ATRNL1: variants seen among roughly 807,000 people sequenced by gnomAD.
ATRNL1 encodes the protein attractin-like protein 1.
A neutral mutation model predicts 182.7 loss-of-function variants in ATRNL1; 95 were observed. The ratio of observed to expected loss-of-function variants is 0.52; its 90% CI spans 0.44 to 0.62. The LOEUF (loss-of-function observed/expected upper bound fraction) is 0.62. Among genes scored for constraint, ATRNL1 ranks in the 20% least tolerant of loss-of-function variants. The probability of loss-of-function intolerance (pLI) is 0.00; values close to 1 mark genes in which losing one functional copy is unlikely to be tolerated. For missense variants in ATRNL1, 1,471 were observed against 1,679.5 expected (o/e 0.88, Z 2.17); for synonymous variants, 576 against 568.3 (o/e 1.01, Z -0.19).
intron 5 of ATRNL1, among the ~76,000 whole-genome samples, chr10:115,154,631 C>T (rs1846415293): frequency 1.3e-5 from 2 of 152,024 alleles, no homozygotes; most frequent in African/African-American, 4.8e-5. Context: ...TCCTGGAGAA[C>T]ATTTTATGTG....
chr10:115,425,260 A>T (rs1845831693), intron 20 of ATRNL1, among the ~76,000 whole-genome samples: 1 of 151,564 alleles, frequency 6.6e-6, no homozygotes, highest in Non-Finnish European at 1.5e-5. Context: ...GACATTTTAG[A>T]CTCTTTTACC....
chr10:115,229,783 C>T (rs1298177107), intron 9 of ATRNL1, among the ~76,000 whole-genome samples: 1 of 152,048 alleles, frequency 6.6e-6, no homozygotes, highest in Non-Finnish European at 1.5e-5. Context: ...CTTTGCTTTT[C>T]ACAGTGATTA....
At chr10:115,458,910 C>A (rs1554969222) in intron 21 of ATRNL1, among the ~76,000 whole-genome samples, 1 of 152,122 alleles carries the variant, frequency 6.6e-6, no homozygotes, top group East Asian at 1.9e-4. Context: ...TGTGGGAAGT[C>A]AGGGACCCCA....
At chr10:115,237,535 A>C (rs3098983) in intron 9 of ATRNL1, among the ~76,000 whole-genome samples, 2 of 152,248 alleles carry the variant, frequency 1.3e-5, no homozygotes, top group African/African-American at 4.8e-5. Flanking sequence ...GTCTTCTTAG[A>C]AAAGGTGTCT....
intron 19 of ATRNL1, among the ~76,000 whole-genome samples, chr10:115,371,367 A>G (rs560381105): frequency 7.2e-5 from 11 of 152,142 alleles, no homozygotes; most frequent in African/African-American, 2.6e-4. Context: ...AGCCACAGAC[A>G]CTCAATGCTG....
At chr10:115,499,768 G>C (rs530510954) in intron 24 of ATRNL1, among the ~76,000 whole-genome samples, 1 of 152,158 alleles carries the variant, frequency 6.6e-6, no homozygotes, top group Non-Finnish European at 1.5e-5. Flanking sequence ...TTAGTGAGCC[G>C]AGGGATGACG....
At chr10:115,534,723 A>G (rs1208304845) in intron 25 of ATRNL1, among the ~76,000 whole-genome samples, 1 of 151,866 alleles carries the variant, frequency 6.6e-6, no homozygotes, top group South Asian at 2.1e-4. Flanking sequence ...ACATTTTGGC[A>G]TGATTTTGTA....
intron 26 of ATRNL1, among the ~76,000 whole-genome samples, chr10:115,721,515 G>A (rs1947424379): frequency 6.6e-6 from 1 of 152,028 alleles, no homozygotes; most frequent in Admixed American, 6.5e-5. Context: ...TCATGGTGGG[G>A]GGCCAAAGCA....
At chr10:115,717,418 A>C (rs2804159) in intron 26 of ATRNL1, among the ~76,000 whole-genome samples, 94,504 of 151,870 alleles carry the variant, frequency 0.62, 30,092 homozygotes, top group East Asian at 0.96. Flanking sequence ...CCAATATTAT[A>C]CTTTGGCCAG....
intron 26 of ATRNL1, among the ~76,000 whole-genome samples, chr10:115,706,604 C>T (rs1343441731): frequency 6.6e-6 from 1 of 151,896 alleles, no homozygotes; most frequent in African/African-American, 2.4e-5. Context: ...TCCATTTTTA[C>T]ACCCATTTCA....
chr10:115,643,368 C>A (rs932339728), intron 26 of ATRNL1, among the ~76,000 whole-genome samples: 12 of 151,988 alleles, frequency 7.9e-5, no homozygotes, highest in Non-Finnish European at 1.2e-4. Context: ...AGCTGAAAAT[C>A]ATAAAATACC....
chr10:115,718,971 G>A (rs1947336836), intron 26 of ATRNL1, among the ~76,000 whole-genome samples: 1 of 152,042 alleles, frequency 6.6e-6, no homozygotes, highest in South Asian at 2.1e-4. Context: ...CTAGAAAAAG[G>A]GCATGCAGTA....
chr10:115,192,201 T>C (rs1848196368), intron 8 of ATRNL1, among the ~76,000 whole-genome samples: 1 of 152,080 alleles, frequency 6.6e-6, no homozygotes. Context: ...TTCTCCAGTG[T>C]TTTCTTCTAG....
chr10:115,137,956 T>A (rs1554877114), intron 5 of ATRNL1, among the ~76,000 whole-genome samples: 1 of 152,168 alleles, frequency 6.6e-6, no homozygotes, highest in African/African-American at 2.4e-5. Flanking sequence ...ACTTCCTAGA[T>A]AACAATCAGG....
rs1555008792 is a variant in ATRNL1 at position 115,583,940 on chromosome 10, A to G, written c.3795+34404A>G. On this transcript the variant is annotated intron_variant, in intron 26 of 28. Coordinates refer to ENST00000355044, the MANE Select transcript of ATRNL1 (RefSeq NM_207303.4). Reference sequence around the variant, plus strand: ...GATACGTCCCATCAATACCTAATTTATTGAGAGTTTTTAGCATGAAGCATT... The same window carrying G: ...GATACGTCCCATCAATACCTAATTTGTTGAGAGTTTTTAGCATGAAGCATT... 1.7e-4 allele frequency among the ~76,000 whole-genome samples: 26 copies of G among 152,104 alleles called. 1 individual carries two copies. Among genetic ancestry groups the G allele is most frequent in the Non-Finnish European group, 1.5e-5 (1 of 67,984 alleles).
chr10:115,673,776 G>A (rs1945775126), intron 26 of ATRNL1, among the ~76,000 whole-genome samples: 1 of 151,988 alleles, frequency 6.6e-6, no homozygotes, highest in Middle Eastern at 3.2e-3. Context: ...CTTTTTGAAT[G>A]TGGACTGACC....
intron 24 of ATRNL1, among the ~76,000 whole-genome samples, chr10:115,503,761 C>T (rs1849965505): frequency 6.6e-6 from 1 of 151,874 alleles, no homozygotes; most frequent in African/African-American, 2.4e-5. Context: ...CTTGGACTTT[C>T]TGGTTTGTCC....
intron 28 of ATRNL1, among the ~76,000 whole-genome samples, chr10:115,885,705 A>G (rs564673513): frequency 6.6e-6 from 1 of 152,322 alleles, no homozygotes; most frequent in Non-Finnish European, 1.5e-5. Context: ...ATATATATGT[A>G]TACTTCTTGC....
At chr10:115,521,223 G>T (rs536666324) in intron 25 of ATRNL1, among the ~76,000 whole-genome samples, 1 of 151,478 alleles carries the variant, frequency 6.6e-6, no homozygotes, top group Admixed American at 6.6e-5. Flanking sequence ...GCGCTATTTC[G>T]GCTCACTGCA....
Sources: gnomAD v4.1 joint callset for allele counts (sites outside exome capture counted in the v4.1 genomes callset) on GRCh38, gnomAD v4.1.1 for gene constraint, MANE v1.5 for transcripts, NCBI Gene and HGNC (gene_info 2026-07-23, HGNC 2026-07-21) for gene names.